Variants in NF1 observed in about 807,000 individuals in gnomAD.
NF1 encodes neurofibromin 1.
NF1 carries 122 observed loss-of-function variants against 325.7 expected under a neutral mutation model. The ratio of observed to expected loss-of-function variants is 0.37; its 90% CI spans 0.32 to 0.44. The LOEUF (loss-of-function observed/expected upper bound fraction) is 0.44. Among genes scored for constraint, NF1 ranks in the 20% least tolerant of loss-of-function variants. NF1 has a pLI of 1.00. For missense variants in NF1, 2,140 were observed against 3,415.4 expected (o/e 0.63, Z 9.31); for synonymous variants, 1,091 against 1,186.0 (o/e 0.92, Z 1.65).
chr17:31,314,813 A>G (rs891727793), intron 36 of NF1, among the ~76,000 whole-genome samples: 3 of 152,170 alleles, frequency 2.0e-5, no homozygotes, highest in African/African-American at 4.8e-5. Context: ...TGTTGGGTAT[A>G]TACCTAGCAG....
At position 31,348,808 on chromosome 17, in the gene NF1, T is replaced by A. The variant is rs552224634; in HGVS notation, c.7190-312T>A. 3.0e-4 allele frequency among the ~76,000 whole-genome samples: 45 copies of A among 152,212 alleles called. No individual in the cohort carries two copies. The South Asian group carries it at 9.1e-3, about 31-fold the overall frequency. ...ATTATAATACATAGATTTTTTTTTT[T>A]AATCTCTGTGCTGCTTTAGGGAATA... On this transcript the variant is annotated intron_variant, in intron 48 of 57. Transcript: ENST00000358273.
At chr17:31,169,834 C>A in intron 4 of NF1, 57 bp from the exon 5 acceptor site, 1 of 1,220,548 alleles carries the variant, frequency 8.2e-7, no homozygotes, top group Non-Finnish European at 1.2e-6. Context: ...GTGTGAGATA[C>A]CACACCTGTC....
intron 1 of NF1, among the ~76,000 whole-genome samples, chr17:31,105,174 C>T (rs1452157993): frequency 3.3e-5 from 5 of 152,140 alleles, no homozygotes; most frequent in African/African-American, 1.2e-4. Context: ...ACTGGAATTA[C>T]AGGCGTGAAC....
chr17:31,285,277 TAAAAAAAAAA>T (rs36047376), intron 36 of NF1, among the ~76,000 whole-genome samples: 4 of 120,878 alleles, frequency 3.3e-5, no homozygotes, highest in East Asian at 2.3e-4. Context: ...AGATTCTGTT[TAAAAAAAAAA>T]AAAAAAAAAG....
chr17:31,278,623 T>A, intron 36 of NF1, among the ~76,000 whole-genome samples: 1 of 150,326 alleles, frequency 6.7e-6, no homozygotes, highest in African/African-American at 2.4e-5. Context: ...TTTATTATTT[T>A]TTTTTTTTGA....
Position 31,232,104 on chromosome 17 carries a change from G to C in NF1, c.3229G>C (p.Val1077Leu). The C allele has an allele frequency of 2.2e-6, 3 of 1,351,804 alleles. No individual in the cohort carries two copies. The highest frequency in any genetic ancestry group is 3.0e-6 in the Non-Finnish European group (3 of 986,696). The allele number at this position is 1,351,804 out of a possible 1,614,324, so 83.7% of individuals were successfully genotyped here. ...DLDQASMEAV[V>L]SLLAGLPLQP... ...GGACCAGGCAAGCATGGAAGCAGTA[G>C]TTTCACTTCTAGCTGGTCTCCCTCT... The change falls in exon 25 of 58, where the codon GTT (valine) becomes CTT (leucine). Residue 1077 changes from valine to leucine, a missense_variant. Transcript: ENST00000358273.
chr17:31,121,166 C>A (rs1431284854), intron 1 of NF1, among the ~76,000 whole-genome samples: 1 of 152,076 alleles, frequency 6.6e-6, no homozygotes, highest in Non-Finnish European at 1.5e-5. Context: ...AGTTTTAAAC[C>A]ATATTTTAGC....
intron 47 of NF1, among the ~76,000 whole-genome samples, chr17:31,341,269 A>C (rs1466188382): frequency 6.6e-6 from 1 of 152,158 alleles, no homozygotes; most frequent in Non-Finnish European, 1.5e-5. Flanking sequence ...TCATACCTGT[A>C]GTCCCAGCAC....
intron 2 of NF1, among the ~76,000 whole-genome samples, chr17:31,158,440 G>A (rs1164672461): frequency 1.3e-5 from 2 of 152,108 alleles, no homozygotes; most frequent in African/African-American, 4.8e-5. Flanking sequence ...TGAATATGTG[G>A]CTGTGTTCCC....
chr17:31,104,083 T>C (rs1912631142), intron 1 of NF1, among the ~76,000 whole-genome samples: 1 of 152,136 alleles, frequency 6.6e-6, no homozygotes, highest in Non-Finnish European at 1.5e-5. Context: ...TACCGGCCAC[T>C]GCACCCAACC....
chr17:31,103,924 T>C (rs1912614402), intron 1 of NF1, among the ~76,000 whole-genome samples: 1 of 152,138 alleles, frequency 6.6e-6, no homozygotes, highest in Non-Finnish European at 1.5e-5. Context: ...CTTGGGAGGC[T>C]GAGTCAGGAT....
intron 8 of NF1, among the ~76,000 whole-genome samples, chr17:31,190,486 G>T (rs2066324206): frequency 6.6e-6 from 1 of 152,058 alleles, no homozygotes; most frequent in Non-Finnish European, 1.5e-5. Flanking sequence ...AAATATTTTA[G>T]CTGTTCCTCA....
chr17:31,283,188 C>A (rs568704697), intron 36 of NF1, among the ~76,000 whole-genome samples: 1 of 151,998 alleles, frequency 6.6e-6, no homozygotes, highest in Non-Finnish European at 1.5e-5. Context: ...GAGGCCGAGG[C>A]GGGCGGATCA....
At chr17:31,117,691 A>AAAAAAAAAAAAAAAAAAAAG in intron 1 of NF1, among the ~76,000 whole-genome samples, 1 of 148,798 alleles carries the variant, frequency 6.7e-6, no homozygotes, top group Non-Finnish European at 1.5e-5. Context: ...AAAAAAAAAA[A>AAAAAAAAAAAAAAAAAAAAG]AAAAAAAAAA....
chr17:31,216,578 G>A (rs1037185570), intron 13 of NF1, among the ~76,000 whole-genome samples: 5 of 151,992 alleles, frequency 3.3e-5, no homozygotes, highest in African/African-American at 9.7e-5. Flanking sequence ...AGCTTGCATC[G>A]TTTCTTAGAT....
At chr17:31,103,437 G>C (rs1912549993) in intron 1 of NF1, among the ~76,000 whole-genome samples, 1 of 151,734 alleles carries the variant, frequency 6.6e-6, no homozygotes, top group African/African-American at 2.4e-5. Flanking sequence ...TAGAGGCAGG[G>C]TTTTACCATG....
intron 12 of NF1, among the ~76,000 whole-genome samples, chr17:31,210,981 A>G (rs2066719232): frequency 6.6e-6 from 1 of 152,214 alleles, no homozygotes; most frequent in Non-Finnish European, 1.5e-5. Context: ...CAAAACTGCC[A>G]ATAACAGATA....
At position 31,353,654 on chromosome 17, in the gene NF1, C is replaced by T. The variant is rs1277914237; in HGVS notation, c.7615+1240C>T. ...ACAAACAAAAACACTGATCTTACAT[C>T]GCTCCTCAGAGGAAATGCAGAGATG... On this transcript the variant is annotated intron_variant, in intron 51 of 57. Transcript: ENST00000358273. Among the ~76,000 whole-genome samples the T allele has an allele frequency of 2.0e-5, 3 of 152,112 alleles. No individual in the cohort carries two copies. In the East Asian group the frequency reaches 5.8e-4, roughly 29 times the overall value.
At chr17:31,342,653 A>G (rs183433953) in intron 47 of NF1, among the ~76,000 whole-genome samples, 316 of 152,282 alleles carry the variant, frequency 2.1e-3, no homozygotes, top group African/African-American at 6.8e-3. Flanking sequence ...TTCATCTTCA[A>G]AACAGCCCAG....
Sources: gnomAD v4.1 joint callset for allele counts (sites outside exome capture counted in the v4.1 genomes callset) on GRCh38, gnomAD v4.1.1 for gene constraint, MANE v1.5 for transcripts, NCBI Gene and HGNC (gene_info 2026-07-23, HGNC 2026-07-21) for gene names.